The following PALLD variants were observed in gnomAD, a reference collection of about 807,000 sequenced individuals.
PALLD encodes palladin, cytoskeletal associated protein.
In PALLD, 61 loss-of-function variants were observed where a neutral mutation model predicts 123.5. That is an observed-to-expected ratio of 0.49 (90% confidence interval 0.40 to 0.61). The LOEUF is 0.61. Ranked by LOEUF, PALLD falls within the 20% of genes least tolerant of loss-of-function variation. The pLI is 0.00. For synonymous variants in PALLD, 465 were observed against 496.4 expected, an observed-to-expected ratio of 0.94 and a Z score of 0.84; for missense variants, 1,273 against 1,377.0, an observed-to-expected ratio of 0.92 and a Z score of 1.20.
chr4:168,578,629 T>C (rs1274897572), intron 2 of PALLD, among the ~76,000 whole-genome samples: 1 of 152,108 alleles, frequency 6.6e-6, no homozygotes, highest in East Asian at 1.9e-4. Context: ...AACAGACTGA[T>C]ACAGTGTTCT....
intron 10 of PALLD, among the ~76,000 whole-genome samples, chr4:168,863,284 G>A (rs1218569570): frequency 1.3e-5 from 2 of 152,200 alleles, no homozygotes; most frequent in Non-Finnish European, 1.5e-5. Context: ...GGCCTCATGA[G>A]TTGGCTTATA....
rs551187402 is a variant in PALLD at position 168,846,347 on chromosome 4, C to T, written c.1965-44575C>T. 4.6e-5 allele frequency among the ~76,000 whole-genome samples: 7 copies of T among 152,280 alleles called. No homozygotes were observed. In the East Asian group the frequency reaches 1.3e-3, roughly 29 times the overall value. ...TGGGTAATTTAAGCAGCTATAGGTA[C>T]TTGGTGATTATTGTAAACCTAAGAC... On this transcript the variant is annotated intron_variant, in intron 10 of 21. Coordinates refer to ENST00000505667, the MANE Select transcript of PALLD (RefSeq NM_001166108.2).
At chr4:168,501,891 C>G (rs2149395013) in intron 1 of PALLD, among the ~76,000 whole-genome samples, 1 of 152,318 alleles carries the variant, frequency 6.6e-6, no homozygotes, top group Non-Finnish European at 1.5e-5. Context: ...ACCCTAACAA[C>G]TTTCAAAGCT....
At chr4:168,629,476 T>C (rs1775609397) in intron 2 of PALLD, among the ~76,000 whole-genome samples, 1 of 152,220 alleles carries the variant, frequency 6.6e-6, no homozygotes, top group Non-Finnish European at 1.5e-5. Flanking sequence ...CTGTGGTGCA[T>C]GTACTTTTAT....
chr4:168,926,508 C>A lies in PALLD; in HGVS notation c.*328C>A. ...ACTATAAGAAATTAAAAAAAAAACACCAAAATAATATTTTTCTTACTTGAT... is the reference window on the plus strand; with the variant it reads ...ACTATAAGAAATTAAAAAAAAAACAACAAAATAATATTTTTCTTACTTGAT... On this transcript the variant is annotated 3_prime_UTR_variant, in exon 22 of 22. Coordinates refer to ENST00000505667, the MANE Select transcript of PALLD (RefSeq NM_001166108.2). 4.6e-6 allele frequency: 3 copies of A among 658,182 alleles called. No individual in the cohort carries two copies. The highest frequency in any genetic ancestry group is 2.4e-5 in the South Asian group (1 of 40,962). The allele number at this position is 658,182 out of a possible 1,614,324, so 40.8% of individuals were successfully genotyped here. A position where few individuals can be genotyped will look rare whatever the true frequency, so the allele number is the denominator to read the frequency against.
chr4:168,716,421 C>T (rs1295705328), intron 10 of PALLD, among the ~76,000 whole-genome samples: 1 of 152,190 alleles, frequency 6.6e-6, no homozygotes, highest in Non-Finnish European at 1.5e-5. Flanking sequence ...AAATCAACAG[C>T]TCCCCTTGCT....
At chr4:168,684,524 G>A (rs1220075767) in intron 5 of PALLD, among the ~76,000 whole-genome samples, 1 of 152,184 alleles carries the variant, frequency 6.6e-6, no homozygotes, top group Non-Finnish European at 1.5e-5. Flanking sequence ...GTAAAATGAA[G>A]ATGATAACAC....
At chr4:168,803,992 C>A (rs369492739) in intron 10 of PALLD, among the ~76,000 whole-genome samples, 94 of 152,310 alleles carry the variant, frequency 6.2e-4, no homozygotes, top group African/African-American at 2.0e-3. Flanking sequence ...GGTATGCTGT[C>A]ATCCTTTTCT....
intron 10 of PALLD, among the ~76,000 whole-genome samples, chr4:168,831,725 GA>G (rs1009874447): frequency 2.0e-5 from 3 of 151,728 alleles, no homozygotes; most frequent in African/African-American, 7.3e-5. Context: ...GTCTGTAAAG[GA>G]AAAAAACACA....
intron 2 of PALLD, among the ~76,000 whole-genome samples, chr4:168,515,533 G>A (rs1329281980): frequency 1.3e-5 from 2 of 152,188 alleles, no homozygotes; most frequent in African/African-American, 4.8e-5. Flanking sequence ...GAGCAGAGAC[G>A]CTCCTCAGTG....
chr4:168,641,546 C>G (rs1473108266), intron 2 of PALLD, among the ~76,000 whole-genome samples: 1 of 152,138 alleles, frequency 6.6e-6, no homozygotes, highest in African/African-American at 2.4e-5. Flanking sequence ...TGGTTCCGTC[C>G]TGTTTTTGTC....
chr4:168,607,146 G>T (rs1773262556), intron 2 of PALLD, among the ~76,000 whole-genome samples: 1 of 152,144 alleles, frequency 6.6e-6, no homozygotes, highest in African/African-American at 2.4e-5. Context: ...TTGAGAAAAG[G>T]TATGATATGA....
intron 10 of PALLD, among the ~76,000 whole-genome samples, chr4:168,769,061 G>A (rs1253063533): frequency 6.6e-6 from 1 of 152,196 alleles, no homozygotes; most frequent in Non-Finnish European, 1.5e-5. Context: ...CTGACCTCGT[G>A]ATCCGCCCCC....
chr4:168,712,977 G>C (rs1181755611), intron 10 of PALLD, among the ~76,000 whole-genome samples: 1 of 152,174 alleles, frequency 6.6e-6, no homozygotes, highest in African/African-American at 2.4e-5. Context: ...ATTGTTTACT[G>C]AGTGATTTCA....
intron 10 of PALLD, among the ~76,000 whole-genome samples, chr4:168,730,623 C>CTTTA (rs1787072064): frequency 6.6e-6 from 1 of 152,074 alleles, no homozygotes; most frequent in Admixed American, 6.5e-5. Context: ...AATGGGCAGG[C>CTTTA]TTTACCCTAG....
At chr4:168,591,599 C>T (rs1284476875) in intron 2 of PALLD, among the ~76,000 whole-genome samples, 2 of 152,198 alleles carry the variant, frequency 1.3e-5, no homozygotes, top group African/African-American at 2.4e-5. Context: ...TCCAACCCTG[C>T]GTATAATCTC....
intron 2 of PALLD, among the ~76,000 whole-genome samples, chr4:168,622,023 A>C (rs1357173059): frequency 6.6e-6 from 1 of 152,204 alleles, no homozygotes; most frequent in East Asian, 1.9e-4. Context: ...TGGTGCTGCT[A>C]ACAAGGAAAG....
rs957519884 is a variant in PALLD, at chr4:168,736,761, T to TA, written c.1964+24842dup. Among the ~76,000 whole-genome samples, 21 of 152,288 alleles carry TA rather than the reference T, an allele frequency of 1.4e-4. 1 individual carries two copies. Among genetic ancestry groups the TA allele is most frequent in the African/African-American group, 4.1e-4 (17 of 41,558 alleles). On this transcript the variant is annotated intron_variant, in intron 10 of 21. Coordinates refer to ENST00000505667, the MANE Select transcript of PALLD (RefSeq NM_001166108.2). ...GAACAGCATCTCCCACAACATGTTT[T>TA]AAAACATTCACAACACTGACCCTCA...
chr4:168,542,070 C>T (rs1235300874), intron 2 of PALLD, among the ~76,000 whole-genome samples: 1 of 152,164 alleles, frequency 6.6e-6, no homozygotes, highest in African/African-American at 2.4e-5. Flanking sequence ...AAACTGGTCT[C>T]ATCATCACAA....
Sources: allele counts gnomAD v4.1 joint callset (sites outside exome capture counted in the v4.1 genomes callset), GRCh38; gene constraint gnomAD v4.1.1; transcripts MANE v1.5; gene names NCBI Gene and HGNC (gene_info 2026-07-23, HGNC 2026-07-21).